The following USP32 variants were observed in gnomAD, a reference collection of about 807,000 sequenced individuals.
USP32 encodes ubiquitin carboxyl-terminal hydrolase 32.
USP32 carries 59 observed loss-of-function variants against 204.8 expected under a neutral mutation model. The observed-to-expected ratio is 0.29, with a 90% CI of 0.23 to 0.36. The LOEUF is 0.36. USP32 is among the 10% of genes least tolerant of loss of function. The pLI is 1.00. For missense variants in USP32, 1,160 were observed against 1,946.4 expected, an observed-to-expected ratio of 0.60 and a Z score of 7.60; for synonymous variants, 517 against 678.4, an observed-to-expected ratio of 0.76 and a Z score of 3.70.
chr17:60,187,222 C>T (rs1567750973), intron 29 of USP32, among the ~76,000 whole-genome samples: 2 of 152,194 alleles, frequency 1.3e-5, no homozygotes, highest in Admixed American at 6.5e-5. Flanking sequence ...CTCTCAAATG[C>T]TGCTATAAAC....
chr17:60,226,555 C>A (rs948348095), intron 12 of USP32, among the ~76,000 whole-genome samples: 11 of 151,924 alleles, frequency 7.2e-5, no homozygotes, highest in Admixed American at 1.3e-4. Context: ...TTCCTTATTT[C>A]CCATAGTACA....
intron 11 of USP32, 78 bp from the exon 12 acceptor site, chr17:60,236,318 T>C: frequency 7.9e-7 from 1 of 1,270,210 alleles, no homozygotes; most frequent in Admixed American, 1.8e-5. Context: ...TCATTAGAAG[T>C]TTTATAAGGA....
In USP32 at chr17:60,234,335, G is replaced by A. The variant is rs1487393272; in HGVS notation, c.1239+1803C>T. Among the ~76,000 whole-genome samples the A allele has an allele frequency of 1.9e-4, 28 of 151,114 alleles. No individual in the cohort carries two copies. In the East Asian group the frequency reaches 5.0e-3, roughly 27 times the overall value. On this transcript the variant is annotated intron_variant, in intron 12 of 33. Coordinates refer to ENST00000300896, the MANE Select transcript of USP32 (RefSeq NM_032582.4). ...TCACCGTGTTAGCCAGGATGGTCTCGATCTCCCGACCTCGTGATCCGCCCG... is the reference window on the plus strand; with the variant it reads ...TCACCGTGTTAGCCAGGATGGTCTCAATCTCCCGACCTCGTGATCCGCCCG...
chr17:60,372,567 C>T (rs1036593801), intron 1 of USP32, among the ~76,000 whole-genome samples: 15 of 149,946 alleles, frequency 1.0e-4, no homozygotes, highest in African/African-American at 3.2e-4. Flanking sequence ...AGTCCAGGCA[C>T]GGTGGCTCAC....
At chr17:60,192,228 T>C (rs2084402867) in intron 28 of USP32, among the ~76,000 whole-genome samples, 1 of 151,676 alleles carries the variant, frequency 6.6e-6, no homozygotes. Context: ...GAGGCAGAGG[T>C]TGCAGTGAGC....
chr17:60,274,375 C>A (rs531970065), intron 5 of USP32, among the ~76,000 whole-genome samples: 2 of 152,124 alleles, frequency 1.3e-5, no homozygotes, highest in East Asian at 3.9e-4. Flanking sequence ...AAAAATATCT[C>A]AAAAAATAAT....
At chr17:60,300,297 A>T (rs2145886816) in intron 3 of USP32, among the ~76,000 whole-genome samples, 1 of 152,290 alleles carries the variant, frequency 6.6e-6, no homozygotes, top group Non-Finnish European at 1.5e-5. Flanking sequence ...CAAAGAAAAG[A>T]ATGAGGGGAC....
At chr17:60,410,293 T>A (rs1454263139) in intron 1 of USP32, among the ~76,000 whole-genome samples, 1 of 152,138 alleles carries the variant, frequency 6.6e-6, no homozygotes, top group Non-Finnish European at 1.5e-5. Flanking sequence ...AAGACAGCTT[T>A]GACCCCCTAT....
At chr17:60,270,706 C>A (rs1468084259) in intron 6 of USP32, among the ~76,000 whole-genome samples, 1 of 151,728 alleles carries the variant, frequency 6.6e-6, no homozygotes, top group Non-Finnish European at 1.5e-5. Flanking sequence ...TCCTGTAATC[C>A]CAGCTACTTG....
At chr17:60,403,989 G>A (rs561036996) in intron 1 of USP32, among the ~76,000 whole-genome samples, 6 of 150,534 alleles carry the variant, frequency 4.0e-5, no homozygotes, top group South Asian at 4.2e-4. Flanking sequence ...GCAGTGAGCC[G>A]CGATCACACC....
intron 1 of USP32, among the ~76,000 whole-genome samples, chr17:60,382,890 T>C (rs933642564): frequency 6.6e-6 from 1 of 152,144 alleles, no homozygotes; most frequent in Non-Finnish European, 1.5e-5. Flanking sequence ...CTTCAAATAT[T>C]TGAACTAAAC....
At chr17:60,347,589 G>A (rs1379694240) in intron 1 of USP32, among the ~76,000 whole-genome samples, 3 of 150,984 alleles carry the variant, frequency 2.0e-5, no homozygotes, top group Admixed American at 6.6e-5. Flanking sequence ...TCCTAACCTC[G>A]TGATCCACCC....
chr17:60,333,797 T>C (rs957804472), intron 2 of USP32, among the ~76,000 whole-genome samples: 6 of 152,164 alleles, frequency 3.9e-5, no homozygotes, highest in Non-Finnish European at 5.9e-5. Context: ...ACTGTTTTTA[T>C]CATAAGTTTA....
At position 60,285,130 on chromosome 17, in the gene USP32, C is replaced by A. The variant is rs137942340; in HGVS notation, c.571+3393G>T. Among the ~76,000 whole-genome samples the A allele has an allele frequency of 3.9e-5, 6 of 152,126 alleles. No individual in the cohort carries two copies. The Middle Eastern group carries it at 0.01, about 259-fold the overall frequency. On this transcript the variant is annotated intron_variant, in intron 5 of 33. Coordinates refer to ENST00000300896, the MANE Select transcript of USP32 (RefSeq NM_032582.4). ...TTAAGGAAAGCAGTCACACTCTTTT[C>A]GATATTAACAGAAAACTAATTTACC...
At chr17:60,228,822 TTTTTTTTGTTTTTG>T (rs1418580176) in intron 12 of USP32, among the ~76,000 whole-genome samples, 1 of 149,754 alleles carries the variant, frequency 6.7e-6, no homozygotes, top group Non-Finnish European at 1.5e-5. Flanking sequence ...AGACTCTTTG[TTTTTTTTGTTTTTG>T]TTTTTTTTTT....
At chr17:60,263,796 C>G (rs941311271) in intron 9 of USP32, among the ~76,000 whole-genome samples, 1 of 152,106 alleles carries the variant, frequency 6.6e-6, no homozygotes, top group Admixed American at 6.5e-5. Flanking sequence ...AAACTCATTT[C>G]TATTATTTGT....
chr17:60,225,931 G>T, intron 13 of USP32, 108 bp downstream of exon 13: 1 of 1,251,184 alleles, frequency 8.0e-7, no homozygotes, highest in Non-Finnish European at 1.1e-6. Context: ...TCCAGCCTGG[G>T]CAAAATGTGA....
intron 12 of USP32, 60 bp downstream of exon 12, chr17:60,236,077 TG>T: frequency 1.5e-6 from 2 of 1,333,268 alleles, no homozygotes; most frequent in Non-Finnish European, 2.2e-6. Flanking sequence ...TATTATTGGC[TG>T]GAAGTCTCAC....
intron 1 of USP32, among the ~76,000 whole-genome samples, chr17:60,377,393 T>C (rs2089567601): frequency 6.6e-6 from 1 of 152,200 alleles, no homozygotes; most frequent in Non-Finnish European, 1.5e-5. Context: ...CATATAAATG[T>C]CACTTGCATC....
Sources: allele counts gnomAD v4.1 joint callset (sites outside exome capture counted in the v4.1 genomes callset), GRCh38; gene constraint gnomAD v4.1.1; transcripts MANE v1.5; gene names NCBI Gene and HGNC (gene_info 2026-07-23, HGNC 2026-07-21).